Variants in STPG2 observed in about 807,000 individuals in gnomAD.
STPG2 encodes the protein sperm tail PG-rich repeat containing 2.
A neutral mutation model predicts 54.2 loss-of-function variants in STPG2; 56 were observed. The ratio of observed to expected loss-of-function variants is 1.03; its 90% confidence interval spans 0.83 to 1.29. STPG2 has a LOEUF of 1.29. Among genes scored for constraint, STPG2 ranks in the 50% most tolerant of loss-of-function variants. The probability of loss-of-function intolerance (pLI) is 0.00; values close to 1 mark genes in which losing one functional copy is unlikely to be tolerated. For missense variants in STPG2, 596 were observed against 544.9 expected, an observed-to-expected ratio of 1.09 and a Z score of -0.93; for synonymous variants, 200 against 181.8, an observed-to-expected ratio of 1.10 and a Z score of -0.81.
chr4:97,707,324 A>G (rs1483723285), intron 10 of STPG2, among the ~76,000 whole-genome samples: 1 of 152,150 alleles, frequency 6.6e-6, no homozygotes. Context: ...GTCCAAGACC[A>G]GCCTGGGCAA....
At chr4:97,513,590 G>C (rs949703695) in intron 4 of STPG2, among the ~76,000 whole-genome samples, 6 of 151,872 alleles carry the variant, frequency 4.0e-5, no homozygotes, top group African/African-American at 1.2e-4. Context: ...TGTGTGCCAG[G>C]GAACCAGATG....
chr4:97,736,765 T>G (rs1725013925), intron 9 of STPG2, among the ~76,000 whole-genome samples: 1 of 152,184 alleles, frequency 6.6e-6, no homozygotes, highest in African/African-American at 2.4e-5. Flanking sequence ...CTCTGTAGGC[T>G]CCACTTCTGG....
At chr4:97,912,269 A>T (rs951416031) in intron 8 of STPG2, among the ~76,000 whole-genome samples, 1 of 152,346 alleles carries the variant, frequency 6.6e-6, no homozygotes, top group South Asian at 2.1e-4. Context: ...TATTCTTCAA[A>T]TGATCACAAT....
At chr4:97,743,070 A>T (rs1167667921) in intron 9 of STPG2, among the ~76,000 whole-genome samples, 3 of 151,794 alleles carry the variant, frequency 2.0e-5, no homozygotes, top group Non-Finnish European at 4.4e-5. Flanking sequence ...ATGTCATAAA[A>T]ACATAAAGTG....
intron 7 of STPG2, among the ~76,000 whole-genome samples, chr4:97,945,448 T>A (rs1257089376): frequency 1.3e-5 from 2 of 152,162 alleles, no homozygotes; most frequent in African/African-American, 2.4e-5. Context: ...ATTTTTTCTA[T>A]CCACTCATTG....
At chr4:98,100,114 T>G (rs935416142) in intron 5 of STPG2, among the ~76,000 whole-genome samples, 3 of 152,110 alleles carry the variant, frequency 2.0e-5, no homozygotes, top group African/African-American at 7.2e-5. Flanking sequence ...TTTAAAACTA[T>G]ACTGCTTAGG....
At chr4:97,817,566 T>A (rs1478448263) in intron 9 of STPG2, among the ~76,000 whole-genome samples, 1 of 152,008 alleles carries the variant, frequency 6.6e-6, no homozygotes, top group East Asian at 1.9e-4. Flanking sequence ...TACTGTTGCA[T>A]TTTACACTGG....
chr4:97,971,136 TAA>T (rs1371460157), intron 7 of STPG2, among the ~76,000 whole-genome samples: 2 of 152,158 alleles, frequency 1.3e-5, no homozygotes, highest in Admixed American at 6.5e-5. Flanking sequence ...TGGTGATCAT[TAA>T]AAAGTCAGAA....
chr4:97,592,916 G>A (rs549011131), intron 10 of STPG2, among the ~76,000 whole-genome samples: 1 of 152,284 alleles, frequency 6.6e-6, no homozygotes, highest in East Asian at 1.9e-4. Flanking sequence ...AGCCCAGAGT[G>A]TTTGTGGTGG....
chr4:98,046,478 A>C (rs549655803), intron 5 of STPG2, among the ~76,000 whole-genome samples: 1 of 152,156 alleles, frequency 6.6e-6, no homozygotes, highest in Admixed American at 6.5e-5. Flanking sequence ...GATGAACCTA[A>C]CCAATCAGCC....
At chr4:97,485,660 C>A (rs912291155) in intron 4 of STPG2, among the ~76,000 whole-genome samples, 1 of 151,562 alleles carries the variant, frequency 6.6e-6, no homozygotes, top group Non-Finnish European at 1.5e-5. Flanking sequence ...TCAAAGCAAT[C>A]CCCATCAAAA....
chr4:97,501,152 C>A (rs1488557043), intron 4 of STPG2, among the ~76,000 whole-genome samples: 1 of 151,856 alleles, frequency 6.6e-6, no homozygotes, highest in Non-Finnish European at 1.5e-5. Flanking sequence ...ATGAATACTA[C>A]CAAATACACA....
At chr4:97,794,490 T>C (rs1424813435) in intron 9 of STPG2, among the ~76,000 whole-genome samples, 1 of 152,076 alleles carries the variant, frequency 6.6e-6, no homozygotes, top group African/African-American at 2.4e-5. Flanking sequence ...CTAATGGGTT[T>C]TAAAATATTT....
intron 8 of STPG2, among the ~76,000 whole-genome samples, chr4:97,933,123 G>A (rs190985598): frequency 1.2e-4 from 19 of 152,130 alleles, no homozygotes; most frequent in African/African-American, 4.1e-4. Context: ...GATCAGTGAT[G>A]TTGAGCTTTT....
chr4:97,702,623 G>A (rs1226723087), intron 10 of STPG2, among the ~76,000 whole-genome samples: 3 of 152,112 alleles, frequency 2.0e-5, no homozygotes, highest in Non-Finnish European at 4.4e-5. Context: ...AGACAAAGGT[G>A]GAATGGCTGA....
chr4:97,602,118 T>C (rs1455910859), intron 10 of STPG2, among the ~76,000 whole-genome samples: 2 of 151,860 alleles, frequency 1.3e-5, no homozygotes, highest in African/African-American at 4.8e-5. Flanking sequence ...AAATCTCTCA[T>C]AAATTTTATT....
At chr4:97,666,463 A>T (rs1722529332) in intron 10 of STPG2, among the ~76,000 whole-genome samples, 1 of 152,202 alleles carries the variant, frequency 6.6e-6, no homozygotes, top group African/African-American at 2.4e-5. Context: ...TGCCTTTTAG[A>T]TTTTCTGATG....
intron 10 of STPG2, among the ~76,000 whole-genome samples, chr4:97,566,277 A>G (rs1450904942): frequency 6.6e-6 from 1 of 152,116 alleles, no homozygotes; most frequent in Non-Finnish European, 1.5e-5. Context: ...ACCATTTTTT[A>G]AGCCCGTTGG....
chr4:97,647,772 C>CT, intron 10 of STPG2, among the ~76,000 whole-genome samples: 1 of 152,094 alleles, frequency 6.6e-6, no homozygotes, highest in Admixed American at 6.5e-5. Flanking sequence ...ACCACCTTTC[C>CT]TTTTGGTATT....
Sources: gnomAD v4.1 joint callset for allele counts (sites outside exome capture counted in the v4.1 genomes callset) on GRCh38, gnomAD v4.1.1 for gene constraint, MANE v1.5 for transcripts, NCBI Gene and HGNC (gene_info 2026-07-23, HGNC 2026-07-21) for gene names.